The following DOCK8 variants were observed in gnomAD, a reference collection of about 807,000 sequenced individuals.
The protein encoded by DOCK8 is dedicator of cytokinesis protein 8.
DOCK8 carries 141 observed loss-of-function variants against 245.6 expected under a neutral mutation model. The observed-to-expected ratio is 0.57, with a 90% confidence interval of 0.50 to 0.66. The LOEUF is 0.66. Ranked by LOEUF, DOCK8 falls within the 30% of genes least tolerant of loss-of-function variation. The pLI, the probability that DOCK8 is intolerant of heterozygous loss-of-function variation, is 0.00. For synonymous variants in DOCK8, 1,168 were observed against 970.2 expected (o/e 1.20, Z -3.79); for missense variants, 2,965 against 2,603.4 (o/e 1.14, Z -3.02).
chr9:338,585 GT>G (rs2051428657), intron 12 of DOCK8, among the ~76,000 whole-genome samples: 1 of 152,166 alleles, frequency 6.6e-6, no homozygotes, highest in Admixed American at 6.5e-5. Context: ...ACTTAACCTT[GT>G]TCGAGACAAA....
chr9:442,564 G>A (rs2057126243), intron 42 of DOCK8, among the ~76,000 whole-genome samples: 1 of 152,210 alleles, frequency 6.6e-6, no homozygotes, highest in Non-Finnish European at 1.5e-5. Flanking sequence ...CAACAGAAAA[G>A]TGTAGCATGT....
rs180712558 is a variant in DOCK8, at chr9:386,300, T to G, written c.2779-31T>G. 11 of 1,588,476 alleles carry G rather than the reference T, an allele frequency of 6.9e-6. No homozygotes were observed. In the Admixed American group the frequency reaches 1.7e-4, roughly 24 times the overall value. ...TCTGGCTTACCTTTCCATGGTTGGT[T>G]GACTGTTAAGCCATGGTTTGTGTAT... On this transcript the variant is annotated intron_variant, in intron 22 of 47. Coordinates refer to ENST00000432829, the MANE Select transcript of DOCK8 (RefSeq NM_203447.4).
intron 30 of DOCK8, 129 bp from the exon 31 acceptor site, chr9:420,272 C>G (rs890937132): frequency 2.0e-6 from 2 of 991,968 alleles, no homozygotes; most frequent in Admixed American, 1.9e-5. Context: ...TCCAGCCTAG[C>G]AGTGATGTAC....
intron 21 of DOCK8, among the ~76,000 whole-genome samples, chr9:382,217 G>A (rs2053748404): frequency 6.6e-6 from 1 of 152,062 alleles, no homozygotes; most frequent in Admixed American, 6.6e-5. Flanking sequence ...TAGCAACCCT[G>A]GGGTCCATTT....
chr9:306,156 C>T (rs1047966612), intron 5 of DOCK8, among the ~76,000 whole-genome samples: 18 of 152,200 alleles, frequency 1.2e-4, no homozygotes, highest in South Asian at 6.2e-4. Context: ...TAGTTTTCAG[C>T]TTCCATGTGT....
At chr9:300,061 C>T (rs1225919327) in intron 4 of DOCK8, among the ~76,000 whole-genome samples, 1 of 151,148 alleles carries the variant, frequency 6.6e-6, no homozygotes, top group Non-Finnish European at 1.5e-5. Context: ...TAAGCCTTGA[C>T]TTGAATTAGT....
At chr9:386,532 C>T in intron 23 of DOCK8, 106 bp downstream of exon 23, 1 of 930,414 alleles carries the variant, frequency 1.1e-6, no homozygotes, top group Non-Finnish European at 1.7e-6. Context: ...CCTGCCTGTC[C>T]CTGATGTGCT....
At chr9:269,133 G>C (rs1309048961) in intron 1 of DOCK8, among the ~76,000 whole-genome samples, 1 of 152,116 alleles carries the variant, frequency 6.6e-6, no homozygotes, top group African/African-American at 2.4e-5. Flanking sequence ...TGTATTCACA[G>C]TCATCACTAC....
At chr9:310,197 G>A (rs2050032877) in intron 5 of DOCK8, among the ~76,000 whole-genome samples, 1 of 151,868 alleles carries the variant, frequency 6.6e-6, no homozygotes, top group Non-Finnish European at 1.5e-5. Context: ...AACCTGGGAG[G>A]CAGAGGCAGC....
chr9:453,417 G>A, intron 46 of DOCK8, among the ~76,000 whole-genome samples: 1 of 151,904 alleles, frequency 6.6e-6, no homozygotes, highest in South Asian at 2.1e-4. Flanking sequence ...AATATTTGGG[G>A]AATTATTTTA....
At chr9:385,126 AACAG>A (rs1334924516) in intron 22 of DOCK8, among the ~76,000 whole-genome samples, 12 of 152,162 alleles carry the variant, frequency 7.9e-5, no homozygotes, top group Non-Finnish European at 1.6e-4. Flanking sequence ...CCAGTTTTGA[AACAG>A]ACATTGTTAA....
chr9:246,051 C>A (rs971369007), intron 1 of DOCK8, among the ~76,000 whole-genome samples: 2 of 152,130 alleles, frequency 1.3e-5, no homozygotes, highest in Non-Finnish European at 2.9e-5. Context: ...GAAACCTAGT[C>A]TCTACTAAAA....
Position 245,504 on chromosome 9 carries a change from G to A in DOCK8, c.54-26123G>A, listed in dbSNP as rs564019607. Among the ~76,000 whole-genome samples the A allele has an allele frequency of 3.2e-4, 48 of 152,174 alleles. No individual in the cohort carries two copies. The South Asian group carries it at 4.4e-3, about 14-fold the overall frequency. ...ATTACATGCATGAGCCACCATGCCC[G>A]GCCAATAGTTTCTTTTTTGATAGGC... On this transcript the variant is annotated intron_variant, in intron 1 of 47. Transcript: ENST00000432829.
intron 9 of DOCK8, among the ~76,000 whole-genome samples, chr9:331,136 A>G (rs980284588): frequency 6.6e-6 from 1 of 152,220 alleles, no homozygotes; most frequent in Non-Finnish European, 1.5e-5. Flanking sequence ...GCTCCTGACT[A>G]TGAGCTTCAG....
upstream of DOCK8, chr9:214,703 A>G: frequency 6.4e-7 from 1 of 1,561,302 alleles, no homozygotes; most frequent in Non-Finnish European, 8.7e-7. Flanking sequence ...CTGCCCCAGT[A>G]TCGGGAGGCC....
At chr9:258,060 A>C (rs2047822730) in intron 1 of DOCK8, among the ~76,000 whole-genome samples, 1 of 152,026 alleles carries the variant, frequency 6.6e-6, no homozygotes, top group Non-Finnish European at 1.5e-5. Flanking sequence ...GTTCAAGGGC[A>C]AACAAAAACT....
chr9:433,998 A>AG, intron 38 of DOCK8, 23 bp downstream of exon 38: 2 of 1,550,206 alleles, frequency 1.3e-6, no homozygotes, highest in South Asian at 2.2e-5. Context: ...GACACACTCA[A>AG]GGGACACCAT....
Position 286,494 on chromosome 9 carries a change from T to C in DOCK8, c.190T>C (p.Phe64Leu), listed in dbSNP as rs2048828894. The C allele has an allele frequency of 6.2e-7, 1 of 1,613,970 alleles. No individual in the cohort carries two copies. The highest frequency in any genetic ancestry group is 8.5e-7 in the Non-Finnish European group (1 of 1,179,904). Residue 64 changes from phenylalanine (F) to leucine (L), a missense_variant, in exon 3 of 48, where the codon TTT (phenylalanine) becomes CTT (leucine). Coordinates refer to ENST00000432829, the MANE Select transcript of DOCK8 (RefSeq NM_203447.4). ...TTATGACCCTGTGGAGCCAGTGGAC[T>C]TTGAAGGACTTCTGATGACACACCT... is the stretch of plus-strand genomic sequence containing the variant. The part of the protein sequence containing the change: ...QFYDPVEPVD[F>L]EGLLMTHLNS...
intron 5 of DOCK8, among the ~76,000 whole-genome samples, chr9:310,137 C>T (rs56323124): frequency 1.4e-4 from 21 of 152,110 alleles, no homozygotes; most frequent in South Asian, 4.1e-4. Context: ...CGTGGTGGCG[C>T]GTGCCTGTAA....
Sources: allele counts gnomAD v4.1 joint callset (sites outside exome capture counted in the v4.1 genomes callset), GRCh38; gene constraint gnomAD v4.1.1; transcripts MANE v1.5; gene names NCBI Gene and HGNC (gene_info 2026-07-23, HGNC 2026-07-21).